Variants in LANCL2 observed in about 807,000 individuals in gnomAD.
LANCL2 encodes lanC-like protein 2.
A neutral mutation model predicts 56.9 loss-of-function variants in LANCL2; 33 were observed. The observed-to-expected ratio is 0.58, with a 90% confidence interval of 0.44 to 0.78. LANCL2 has a LOEUF of 0.78. Ranked by LOEUF, LANCL2 falls within the 30% of genes least tolerant of loss-of-function variation. The pLI, the probability that LANCL2 is intolerant of heterozygous loss-of-function variation, is 0.00. For synonymous variants in LANCL2, 233 were observed against 228.2 expected (o/e 1.02, Z -0.19); for missense variants, 562 against 580.2 (o/e 0.97, Z 0.32).
intron 8 of LANCL2, among the ~76,000 whole-genome samples, chr7:55,429,009 A>G (rs1382076217): frequency 6.6e-6 from 1 of 152,168 alleles, no homozygotes; most frequent in African/African-American, 2.4e-5. Context: ...AAGCCCCACA[A>G]ACAGGCCCGG....
chr7:55,432,684 A>G lies in LANCL2; in HGVS notation c.*1364A>G, dbSNP rs1238090420. 1 of 152,210 alleles carries G rather than the reference A, an allele frequency of 6.6e-6. No homozygotes were observed. The highest frequency in any genetic ancestry group is 1.5e-5 in the Non-Finnish European group (1 of 68,048). 9.4% of individuals were successfully genotyped at this position (152,210 alleles called of 1,614,324 possible). On this transcript the variant is annotated 3_prime_UTR_variant, in exon 9 of 9. Coordinates refer to ENST00000254770, the MANE Select transcript of LANCL2 (RefSeq NM_018697.4). The stretch of plus-strand genomic sequence containing the variant: ...CACCTCTCAGAAAAGAGAAAAAAGA[A>G]TGTCAGTTTAGGAGAAAAGCTTCCT...
At chr7:55,406,866 A>C (rs939270269) in intron 5 of LANCL2, among the ~76,000 whole-genome samples, 4 of 152,206 alleles carry the variant, frequency 2.6e-5, no homozygotes, top group African/African-American at 9.6e-5. Flanking sequence ...TCCAGCTGCA[A>C]ACCTGTGAAC....
Position 55,402,631 on chromosome 7 carries a change from C to T in LANCL2, c.825+1311C>T, listed in dbSNP as rs1193148528. Among the ~76,000 whole-genome samples the T allele has an allele frequency of 8.2e-5, 9 of 109,994 alleles. 1 individual carries two copies. In the East Asian group the frequency reaches 2.2e-3, roughly 27 times the overall value. 72.2% of individuals were successfully genotyped at this position (109,994 alleles called of 152,430 possible). A position where few individuals can be genotyped will look rare whatever the true frequency, so the allele number is the denominator to read the frequency against. On this transcript the variant is annotated intron_variant, in intron 5 of 8. Coordinates refer to ENST00000254770, the MANE Select transcript of LANCL2 (RefSeq NM_018697.4). Reference sequence around the variant, plus strand: ...CCCCCCACCTCCCTCCCGGATGGGGCGGCTGGCTGGGCGGGGGGCTAACCC... The same window carrying T: ...CCCCCCACCTCCCTCCCGGATGGGGTGGCTGGCTGGGCGGGGGGCTAACCC...
intron 6 of LANCL2, among the ~76,000 whole-genome samples, chr7:55,417,652 T>C (rs531095005): frequency 6.6e-6 from 1 of 152,334 alleles, no homozygotes; most frequent in African/African-American, 2.4e-5. Flanking sequence ...CATTGAATCA[T>C]TGAATCTCTA....
At chr7:55,399,131 G>A (rs1340064628) in intron 3 of LANCL2, among the ~76,000 whole-genome samples, 3 of 152,054 alleles carry the variant, frequency 2.0e-5, no homozygotes. Context: ...GATGACGCTG[G>A]GTATAGTGGC....
chr7:55,391,859 G>A lies in LANCL2; in HGVS notation c.271G>A (p.Gly91Arg), dbSNP rs765738139. Residue 91 changes from glycine (G) to arginine (R), a missense_variant, in exon 2 of 9, where the codon GGG (glycine) becomes AGG (arginine). Gly to Arg is a moderately radical substitution (Grantham distance 125, BLOSUM62 -2). Transcript: ENST00000254770. ...IKDLLQQMEEGLKTADPHDCS... is the reference protein window; with the variant it reads ...IKDLLQQMEERLKTADPHDCS... ...AGATCTTCTGCAGCAAATGGAAGAA[G>A]GGCTGAAGACAGCTGATCCCCATGA... 6.2e-7 allele frequency: 1 copy of A among 1,613,120 alleles called. No individual in the cohort carries two copies.
intron 5 of LANCL2, among the ~76,000 whole-genome samples, chr7:55,402,754 T>G (rs1203505145): frequency 8.3e-6 from 1 of 121,186 alleles, no homozygotes; most frequent in Non-Finnish European, 1.8e-5. Context: ...CGCTCCTCAC[T>G]TCTCAGACGG....
intron 8 of LANCL2, 24 bp from the exon 9 acceptor site, chr7:55,431,202 G>C (rs1238790321): frequency 1.3e-6 from 2 of 1,564,258 alleles, no homozygotes; most frequent in Non-Finnish European, 1.8e-6. Context: ...CCATTCCTAA[G>C]AGGCTCCTCA....
intron 5 of LANCL2, among the ~76,000 whole-genome samples, chr7:55,406,187 C>T (rs56880458): frequency 0.051 from 7,788 of 152,232 alleles, 677 homozygotes; most frequent in African/African-American, 0.18. Flanking sequence ...ACTTGGACTT[C>T]GTGCTCCTTC....
chr7:55,418,261 A>G (rs545136688), intron 6 of LANCL2, among the ~76,000 whole-genome samples: 2 of 151,378 alleles, frequency 1.3e-5, no homozygotes, highest in South Asian at 2.1e-4. Flanking sequence ...GGCTCACTGC[A>G]GCCTCTACCT....
intron 6 of LANCL2, 76 bp from the exon 7 acceptor site, chr7:55,425,178 C>T: frequency 6.9e-7 from 1 of 1,453,142 alleles, no homozygotes; most frequent in Non-Finnish European, 9.5e-7. Flanking sequence ...CATATTCTAA[C>T]CAGAAAGGGA....
chr7:55,379,331 A>G (rs1790039512), intron 1 of LANCL2, among the ~76,000 whole-genome samples: 2 of 152,180 alleles, frequency 1.3e-5, no homozygotes, highest in African/African-American at 4.8e-5. Flanking sequence ...AAATTAGGGA[A>G]GTTCTGTCTT....
chr7:55,422,817 G>T (rs1790622627), intron 6 of LANCL2, among the ~76,000 whole-genome samples: 1 of 152,164 alleles, frequency 6.6e-6, no homozygotes, highest in South Asian at 2.1e-4. Context: ...GATGAGTATA[G>T]TTCCCTTTTC....
At chr7:55,371,048 A>T (rs576063147) in intron 1 of LANCL2, among the ~76,000 whole-genome samples, 2 of 152,312 alleles carry the variant, frequency 1.3e-5, no homozygotes, top group African/African-American at 2.4e-5. Context: ...GCTGAAATCT[A>T]TTCACTTAGC....
Position 55,433,270 on chromosome 7 carries a change from G to A in LANCL2, c.*1950G>A, listed in dbSNP as rs1790753087. On this transcript the variant is annotated 3_prime_UTR_variant, in exon 9 of 9. Coordinates refer to ENST00000254770, the MANE Select transcript of LANCL2 (RefSeq NM_018697.4). The stretch of plus-strand genomic sequence containing the variant: ...CACACACGTTTGAAAAACACTATTA[G>A]TCTTTCTAACACACTGAGGGAAAGA... 6.6e-6 allele frequency: 1 copy of A among 152,200 alleles called. No homozygotes were observed. Among genetic ancestry groups the A allele is most frequent in the Admixed American group, 6.5e-5 (1 of 15,286 alleles). The allele number at this position is 152,200 out of a possible 1,614,324, so 9.4% of individuals were successfully genotyped here. A position where few individuals can be genotyped will look rare whatever the true frequency, so the allele number is the denominator to read the frequency against.
At chr7:55,429,905 G>A (rs866681885) in intron 8 of LANCL2, among the ~76,000 whole-genome samples, 18 of 152,276 alleles carry the variant, frequency 1.2e-4, no homozygotes, top group African/African-American at 4.1e-4. Context: ...GTCAGGGGAC[G>A]GAGGGATTAT....
intron 2 of LANCL2, chr7:55,396,844 A>T (rs1261673232): frequency 1.3e-5 from 2 of 152,346 alleles, no homozygotes; most frequent in Admixed American, 1.3e-4. Context: ...TAAATCAGGG[A>T]ATACTCATTT....
At chr7:55,391,655 C>G in intron 1 of LANCL2, 138 bp from the exon 2 acceptor site, 1 of 525,192 alleles carries the variant, frequency 1.9e-6, no homozygotes, top group South Asian at 2.3e-5. Context: ...AAGATAGACT[C>G]CAACCAATGA....
intron 6 of LANCL2, among the ~76,000 whole-genome samples, chr7:55,416,669 G>T (rs149738609): frequency 6.6e-6 from 1 of 151,876 alleles, no homozygotes; most frequent in African/African-American, 2.4e-5. Context: ...ATATGTTCTG[G>T]TTAAAGTCCC....
Sources: allele counts gnomAD v4.1 joint callset (sites outside exome capture counted in the v4.1 genomes callset), GRCh38; gene constraint gnomAD v4.1.1; transcripts MANE v1.5; gene names NCBI Gene and HGNC (gene_info 2026-07-23, HGNC 2026-07-21).